PDE1C: variants seen among roughly 807,000 people sequenced by gnomAD.
PDE1C encodes the protein dual specificity calcium/calmodulin-dependent 3',5'-cyclic nucleotide phosphodiesterase 1C.
A neutral mutation model predicts 93.1 loss-of-function variants in PDE1C; 62 were observed. That is an observed-to-expected ratio of 0.67 (90% CI 0.54 to 0.82). PDE1C has a LOEUF of 0.82. Among genes scored for constraint, PDE1C ranks in the 40% least tolerant of loss-of-function variants. PDE1C has a pLI of 0.00. For missense variants in PDE1C, 742 were observed against 884.6 expected, an observed-to-expected ratio of 0.84 and a Z score of 2.04; for synonymous variants, 325 against 310.1, an observed-to-expected ratio of 1.05 and a Z score of -0.50.
At chr7:31,771,550 T>C (rs1362273841) in intron 17 of PDE1C, among the ~76,000 whole-genome samples, 2 of 152,188 alleles carry the variant, frequency 1.3e-5, no homozygotes, top group Non-Finnish European at 2.9e-5. Context: ...TTGGCCATTT[T>C]TGAATTGGGT....
At chr7:32,293,989 G>C (rs1240463593) in intron 1 of PDE1C, among the ~76,000 whole-genome samples, 1 of 152,062 alleles carries the variant, frequency 6.6e-6, no homozygotes, top group East Asian at 1.9e-4. Context: ...GGGGAGGCCG[G>C]GGGCCTCTCT....
the PDE1C span, among the ~76,000 whole-genome samples, chr7:31,619,960 G>A: frequency 6.6e-6 from 1 of 152,170 alleles, no homozygotes; most frequent in Non-Finnish European, 1.5e-5. Context: ...ACTATATCCC[G>A]CACCTGGCTT....
chr7:31,839,428 A>G (rs1791565116), intron 9 of PDE1C, among the ~76,000 whole-genome samples: 1 of 151,794 alleles, frequency 6.6e-6, no homozygotes, highest in Non-Finnish European at 1.5e-5. Flanking sequence ...ACACACACAC[A>G]CACACATATA....
chr7:32,324,797 A>G (rs1783372732), intron 1 of PDE1C, among the ~76,000 whole-genome samples: 1 of 152,092 alleles, frequency 6.6e-6, no homozygotes, highest in Admixed American at 6.5e-5. Context: ...AAAAATTTAA[A>G]AATTAGCTGG....
In PDE1C at chr7:32,350,567, TATATATATATATATATATATA is replaced by T. The variant is rs1445381486; in HGVS notation, c.310+77234_310+77254del. Among the ~76,000 whole-genome samples the T allele has an allele frequency of 3.1e-3, 16 of 5,170 alleles. 3 individuals are homozygous for T. The highest frequency in any genetic ancestry group is 5.6e-3 in the African/African-American group (16 of 2,838). 3.4% of individuals were successfully genotyped at this position (5,170 alleles called of 152,430 possible). On this transcript the variant is annotated intron_variant, in intron 1 of 1. Transcript: ENST00000672256. ...TGACTAATATATATATATATATATATATATATATATATATATATATATATTTTTTTTTTTTTTTTTATTATA... is the reference window on the plus strand; with the variant it reads ...TGACTAATATATATATATATATATATTATTTTTTTTTTTTTTTTTATTATA...
intron 2 of PDE1C, among the ~76,000 whole-genome samples, chr7:32,173,795 C>T (rs1802806417): frequency 6.6e-6 from 1 of 152,152 alleles, no homozygotes; most frequent in Admixed American, 6.5e-5. Context: ...GCTTGTTGTG[C>T]CAGAAGGACA....
intron 3 of PDE1C, among the ~76,000 whole-genome samples, chr7:32,142,321 A>G (rs959417116): frequency 6.6e-6 from 1 of 152,186 alleles, no homozygotes; most frequent in Admixed American, 6.5e-5. Flanking sequence ...TAACATCGCA[A>G]TAGCAGAACA....
chr7:31,816,148 T>G lies in PDE1C; in HGVS notation c.1589A>C (p.Lys530Thr). 6.2e-7 allele frequency: 1 copy of G among 1,613,556 alleles called. No individual in the cohort carries two copies. ...RWRAKVPKEE[K>T]AKKEAEEKAR... ...CTTTTCCTCTGCTTCCTTCTTGGCCTTCTCCTCTGCATCCATGGCAAGTTG... is the reference window on the plus strand; with the variant it reads ...CTTTTCCTCTGCTTCCTTCTTGGCCGTCTCCTCTGCATCCATGGCAAGTTG... The change falls in exon 15 of 18, where the codon AAG becomes ACG. Residue 530 changes from lysine (K) to threonine (T), a missense_variant. Lys to Thr is a moderately conservative substitution (Grantham distance 78). This residue lies in a region of PDE1C where 454 missense variants were observed against 459.4 expected (regional missense o/e 0.99). Coordinates refer to ENST00000396191, the MANE Select transcript of PDE1C (RefSeq NM_001191057.4).
intron 16 of PDE1C, 64 bp downstream of exon 16, chr7:31,808,967 T>C: frequency 1.1e-6 from 1 of 937,500 alleles, no homozygotes; most frequent in Non-Finnish European, 1.7e-6. Flanking sequence ...TTGGGTATGA[T>C]TCTAACAAGC....
At chr7:31,861,505 C>T (rs1187168919) in intron 7 of PDE1C, among the ~76,000 whole-genome samples, 1 of 152,044 alleles carries the variant, frequency 6.6e-6, no homozygotes, top group Non-Finnish European at 1.5e-5. Flanking sequence ...TACTACGGAT[C>T]TTAAACTCTA....
chr7:31,984,754 G>A (rs1783143122), intron 2 of PDE1C, among the ~76,000 whole-genome samples: 4 of 152,150 alleles, frequency 2.6e-5, no homozygotes, highest in African/African-American at 7.2e-5. Context: ...TATTCTGTTT[G>A]CAGATTGTCT....
chr7:31,711,152 C>G, the PDE1C span, among the ~76,000 whole-genome samples: 1 of 152,162 alleles, frequency 6.6e-6, no homozygotes, highest in Admixed American at 6.5e-5. Context: ...GCTCTTCCAT[C>G]TGATGTCAAA....
chr7:32,054,626 T>G (rs141932000), intron 1 of PDE1C, among the ~76,000 whole-genome samples: 4 of 152,314 alleles, frequency 2.6e-5, no homozygotes, highest in Admixed American at 2.0e-4. Flanking sequence ...GTGCATCTGG[T>G]AGACCCAAAG....
chr7:32,213,195 T>C (rs1351153941), intron 1 of PDE1C, among the ~76,000 whole-genome samples: 2 of 152,160 alleles, frequency 1.3e-5, no homozygotes, highest in Admixed American at 6.5e-5. Context: ...GCTTTCAATT[T>C]TTAAACAATT....
chr7:32,378,167 C>A (rs1409917073), intron 1 of PDE1C, among the ~76,000 whole-genome samples: 1 of 152,176 alleles, frequency 6.6e-6, no homozygotes, highest in Non-Finnish European at 1.5e-5. Flanking sequence ...GTCAGCCCCC[C>A]ACCTTCCTTC....
chr7:31,668,936 T>C, the PDE1C span, among the ~76,000 whole-genome samples: 1 of 152,060 alleles, frequency 6.6e-6, no homozygotes, highest in Admixed American at 6.6e-5. Flanking sequence ...GAGGTGGGAA[T>C]GAATTTGCTT....
Position 31,752,127 on chromosome 7 carries a change from CA to C in PDE1C, c.*1256del, listed in dbSNP as rs1174684501. 1.3e-5 allele frequency: 2 copies of C among 152,184 alleles called. No homozygotes were observed. The highest frequency in any genetic ancestry group is 2.9e-5 in the Non-Finnish European group (2 of 68,032). 9.4% of individuals were successfully genotyped at this position (152,184 alleles called of 1,614,324 possible). ...GCATCAAAAAATTATGCCATCCGAGCAAGGACCTGCAACTAGTTATAGACAG... is the reference window on the plus strand; with the variant it reads ...GCATCAAAAAATTATGCCATCCGAGCAGGACCTGCAACTAGTTATAGACAG... On this transcript the variant is annotated 3_prime_UTR_variant, in exon 18 of 18. Transcript: ENST00000396191.
intron 2 of PDE1C, among the ~76,000 whole-genome samples, chr7:31,994,373 G>T (rs992013495): frequency 6.6e-6 from 1 of 152,148 alleles, no homozygotes; most frequent in Non-Finnish European, 1.5e-5. Context: ...AAGAGGTCAT[G>T]TGCTTCATGG....
intron 1 of PDE1C, among the ~76,000 whole-genome samples, chr7:32,319,204 C>T (rs1005758713): frequency 6.6e-5 from 10 of 152,216 alleles, no homozygotes; most frequent in Non-Finnish European, 1.3e-4. Context: ...ATGACCAGAG[C>T]GCCACGTGCT....
Sources: allele counts gnomAD v4.1 joint callset (sites outside exome capture counted in the v4.1 genomes callset), GRCh38; gene constraint gnomAD v4.1.1; regional missense constraint gnomAD v4.1.1; transcripts MANE v1.5; gene names NCBI Gene and HGNC (gene_info 2026-07-23, HGNC 2026-07-21).